Variants in ADAMTS2 observed in about 807,000 individuals in gnomAD.
ADAMTS2 encodes the protein ADAM metallopeptidase with thrombospondin type 1 motif 2.
Under a neutral mutation model 123.0 loss-of-function variants are expected in ADAMTS2, and 50 were observed. The ratio of observed to expected loss-of-function variants is 0.41; its 90% CI spans 0.32 to 0.51. The LOEUF (loss-of-function observed/expected upper bound fraction) is 0.51. Ranked by LOEUF, ADAMTS2 falls within the 20% of genes least tolerant of loss-of-function variation. The pLI is 0.35. For missense variants in ADAMTS2, 1,494 were observed against 1,705.2 expected, an observed-to-expected ratio of 0.88 and a Z score of 2.18; for synonymous variants, 678 against 695.4, an observed-to-expected ratio of 0.98 and a Z score of 0.39.
intron 2 of ADAMTS2, among the ~76,000 whole-genome samples, chr5:179,310,935 G>GC (rs770860494): frequency 2.0e-5 from 3 of 151,884 alleles, no homozygotes; most frequent in Non-Finnish European, 2.9e-5. Context: ...AACCCCACCT[G>GC]CCCCTGCCTG....
rs1225747635 is a variant in ADAMTS2 at position 179,114,024 on chromosome 5, G to A, written c.3479C>T (p.Ala1160Val). Residue 1160 changes from alanine to valine, a missense_variant, in exon 22 of 22, where the codon GCC (alanine) becomes GTC (valine). Around this residue, in one of 6 missense-constraint regions of ADAMTS2, gnomAD observed 953 missense variants for 1,124.7 expected, o/e 0.85. Coordinates refer to ENST00000251582, the MANE Select transcript of ADAMTS2 (RefSeq NM_014244.5). ...NATEDHPETN[A>V]VDEPYKIHGL... ...ATGGATTTTGTAGGGTTCATCTACG[G>A]CATTGGTTTCTGGGTGATCCTCTGT... is the stretch of plus-strand genomic sequence containing the variant. 1 of 1,614,044 alleles carries A rather than the reference G, an allele frequency of 6.2e-7. No homozygotes were observed. The highest frequency in any genetic ancestry group is 8.5e-7 in the Non-Finnish European group (1 of 1,180,046).
chr5:179,297,547 C>G (rs1046317026), intron 2 of ADAMTS2, among the ~76,000 whole-genome samples: 1 of 152,074 alleles, frequency 6.6e-6, no homozygotes, highest in Admixed American at 6.5e-5. Context: ...GTTCCCTTCC[C>G]CAATACGCTG....
chr5:179,195,286 G>C (rs1442051565), intron 4 of ADAMTS2, among the ~76,000 whole-genome samples: 1 of 152,116 alleles, frequency 6.6e-6, no homozygotes, highest in African/African-American at 2.4e-5. Context: ...TGTTCAACTC[G>C]AGTGGTGCTC....
At chr5:179,268,651 A>G (rs1352655818) in intron 3 of ADAMTS2, among the ~76,000 whole-genome samples, 3 of 152,036 alleles carry the variant, frequency 2.0e-5, no homozygotes, top group Non-Finnish European at 2.9e-5. Flanking sequence ...GTGGGGGAGG[A>G]CTGCCAGGCT....
intron 2 of ADAMTS2, among the ~76,000 whole-genome samples, chr5:179,318,136 C>G (rs1478610318): frequency 6.6e-6 from 1 of 152,222 alleles, no homozygotes. Context: ...TCCTGCCCTT[C>G]CCATCCAAGG....
At position 179,228,644 on chromosome 5, in the gene ADAMTS2, G is replaced by A. The variant is rs1321943066; in HGVS notation, c.689-20929C>T. 6.6e-6 allele frequency among the ~76,000 whole-genome samples: 1 copy of A among 152,232 alleles called. No individual in the cohort carries two copies. The highest frequency in any genetic ancestry group is 1.5e-5 in the Non-Finnish European group (1 of 68,034). The stretch of plus-strand genomic sequence containing the variant: ...AGACCTGGAGGTGCCCCCAGCCCCA[G>A]AACCCACCATGCGCGGCTGGGCCGA... On this transcript the variant is annotated intron_variant, in intron 3 of 21. Transcript: ENST00000251582. This position sits in a 1 kb window ranked among gnomAD's most constrained non-coding sequence, Gnocchi z 5.2.
Position 179,162,018 on chromosome 5 carries a change from C to T in ADAMTS2, c.976-3139G>A, listed in dbSNP as rs541330323. Among the ~76,000 whole-genome samples, 43 of 152,196 alleles carry T rather than the reference C, an allele frequency of 2.8e-4. No homozygotes were observed. Among genetic ancestry groups the T allele is most frequent in the Non-Finnish European group, 5.7e-4 (39 of 67,996 alleles). ...TCCATCCAGGACACCCAGCACAGCT[C>T]GGTAGCCTTGCTGGGCTCCAGGGAA... On this transcript the variant is annotated intron_variant, in intron 5 of 21. Coordinates refer to ENST00000251582, the MANE Select transcript of ADAMTS2 (RefSeq NM_014244.5). This position sits in a 1 kb window ranked among gnomAD's most constrained non-coding sequence, Gnocchi z 5.1.
chr5:179,252,847 T>C (rs547688996), intron 3 of ADAMTS2, among the ~76,000 whole-genome samples: 3 of 152,366 alleles, frequency 2.0e-5, no homozygotes, highest in East Asian at 3.9e-4. Flanking sequence ...AAAAAAATGG[T>C]TGGATTCTCT....
In ADAMTS2 at chr5:179,164,292, T is replaced by C. The variant is rs377539582; in HGVS notation, c.976-5413A>G. Among the ~76,000 whole-genome samples, 9 of 152,212 alleles carry C rather than the reference T, an allele frequency of 5.9e-5. No individual in the cohort carries two copies. In the East Asian group the frequency reaches 1.5e-3, roughly 26 times the overall value. ...TGGGGTACCCATGAGGCCCAGACAT[T>C]GACCTTGTGCCCAGAGGCCAGGGCA... On this transcript the variant is annotated intron_variant, in intron 5 of 21. Transcript: ENST00000251582.
chr5:179,316,245 G>A (rs1756996390), intron 2 of ADAMTS2, among the ~76,000 whole-genome samples: 1 of 152,214 alleles, frequency 6.6e-6, no homozygotes, highest in Non-Finnish European at 1.5e-5. Context: ...TTGCCTGGAG[G>A]GAAGAGGCTG....
Position 179,175,888 on chromosome 5 carries a change from C to T in ADAMTS2, c.975+5184G>A, listed in dbSNP as rs1202657203. Among the ~76,000 whole-genome samples the T allele has an allele frequency of 6.6e-6, 1 of 151,994 alleles. No individual in the cohort carries two copies. Among genetic ancestry groups the T allele is most frequent in the Non-Finnish European group, 1.5e-5 (1 of 68,018 alleles). ...TGCTCCCCAGAGCAGGTTCAGCAGGCTGCGGATCTGCTGAGCAAGAAGCTT... is the reference window on the plus strand; with the variant it reads ...TGCTCCCCAGAGCAGGTTCAGCAGGTTGCGGATCTGCTGAGCAAGAAGCTT... On this transcript the variant is annotated intron_variant, in intron 5 of 21. Coordinates refer to ENST00000251582, the MANE Select transcript of ADAMTS2 (RefSeq NM_014244.5). This position sits in a 1 kb window ranked among gnomAD's most constrained non-coding sequence, Gnocchi z 4.1.
chr5:179,306,500 C>T (rs563465424), intron 2 of ADAMTS2, among the ~76,000 whole-genome samples: 1 of 152,308 alleles, frequency 6.6e-6, no homozygotes, highest in South Asian at 2.1e-4. Context: ...AAAGCTAACA[C>T]AATACCGCAT....
chr5:179,195,873 T>G (rs1320325161), intron 4 of ADAMTS2, among the ~76,000 whole-genome samples: 1 of 152,226 alleles, frequency 6.6e-6, no homozygotes, highest in Non-Finnish European at 1.5e-5. Context: ...GAACCCCGCT[T>G]GCCTCCCCCC....
intron 4 of ADAMTS2, among the ~76,000 whole-genome samples, chr5:179,190,062 T>C (rs1413297186): frequency 1.3e-5 from 2 of 152,212 alleles, no homozygotes; most frequent in African/African-American, 2.4e-5. Context: ...ACTTCTTTTG[T>C]GGATCTTCAG....
chr5:179,180,879 G>C lies in ADAMTS2; in HGVS notation c.975+193C>G, dbSNP rs1383038755. Among the ~76,000 whole-genome samples the C allele has an allele frequency of 6.6e-6, 1 of 152,128 alleles. No individual in the cohort carries two copies. Among genetic ancestry groups the C allele is most frequent in the Non-Finnish European group, 1.5e-5 (1 of 68,030 alleles). ...AACAGACTCTTTTCAGTGAACAATAGTAATGGCCACATTTTAAAACAAGGG... is the reference window on the plus strand; with the variant it reads ...AACAGACTCTTTTCAGTGAACAATACTAATGGCCACATTTTAAAACAAGGG... On this transcript the variant is annotated intron_variant, in intron 5 of 21. Coordinates refer to ENST00000251582, the MANE Select transcript of ADAMTS2 (RefSeq NM_014244.5). The surrounding 1 kb of genome is among the most constrained non-coding windows in gnomAD (Gnocchi z 4.6).
intron 3 of ADAMTS2, 111 bp from the exon 4 acceptor site, chr5:179,207,826 G>A (rs941004722): frequency 1.3e-4 from 120 of 938,546 alleles, no homozygotes; most frequent in Non-Finnish European, 1.9e-4. Context: ...ACCCTGAACC[G>A]AGGGTATTAT....
At chr5:179,290,760 G>A (rs944268521) in intron 2 of ADAMTS2, among the ~76,000 whole-genome samples, 3 of 152,168 alleles carry the variant, frequency 2.0e-5, no homozygotes, top group Non-Finnish European at 2.9e-5. Flanking sequence ...GAGTGGAGGC[G>A]CCCACTGCAT....
At chr5:179,229,199 G>A (rs896487181) in intron 3 of ADAMTS2, among the ~76,000 whole-genome samples, 12 of 151,540 alleles carry the variant, frequency 7.9e-5, no homozygotes, top group Non-Finnish European at 1.3e-4. Flanking sequence ...AGGAGGGGAC[G>A]CCAGAGAATC....
At chr5:179,290,289 C>G (rs1221688822) in intron 2 of ADAMTS2, among the ~76,000 whole-genome samples, 7 of 152,162 alleles carry the variant, frequency 4.6e-5, no homozygotes, top group Non-Finnish European at 1.0e-4. Context: ...CTGGGTTTCC[C>G]TTCTTTGCAC....
Sources: gnomAD v4.1 joint callset for allele counts (sites outside exome capture counted in the v4.1 genomes callset) on GRCh38, gnomAD v4.1.1 for gene constraint, gnomAD v4.1.1 regional missense constraint, Gnocchi (gnomAD v3.1) non-coding constraint, MANE v1.5 for transcripts, NCBI Gene and HGNC (gene_info 2026-07-23, HGNC 2026-07-21) for gene names.